Variants in MACROD2 observed in about 807,000 individuals in gnomAD.
MACROD2 encodes the protein mono-ADP ribosylhydrolase 2.
MACROD2 carries 36 observed loss-of-function variants against 70.4 expected under a neutral mutation model. That is an observed-to-expected ratio of 0.51 (90% CI 0.39 to 0.68). The LOEUF (loss-of-function observed/expected upper bound fraction) is 0.68, where lower values mean the gene tolerates loss of function less well. MACROD2 is among the 30% of genes least tolerant of loss of function. MACROD2 has a pLI of 0.00. For missense variants in MACROD2, 496 were observed against 538.4 expected (o/e 0.92, Z 0.78); for synonymous variants, 172 against 178.8 (o/e 0.96, Z 0.30).
intron 3 of MACROD2, among the ~76,000 whole-genome samples, chr20:14,116,107 C>T (rs1226050650): frequency 6.6e-6 from 1 of 152,120 alleles, no homozygotes; most frequent in East Asian, 1.9e-4. Context: ...GATTTTGACC[C>T]TGTTGTAACT....
rs1290715838 is a variant in MACROD2 at position 15,036,515 on chromosome 20, G to C, written c.419-193425G>C. Among the ~76,000 whole-genome samples the C allele has an allele frequency of 7.2e-5, 11 of 152,188 alleles. No individual in the cohort carries two copies. In the East Asian group the frequency reaches 2.1e-3, roughly 29 times the overall value. ...TTAACAAGCCCTTCAGCTGATTTCA[G>C]TACATACTAAAGTTTGAGGACTGCT... On this transcript the variant is annotated intron_variant, in intron 5 of 17. Coordinates refer to ENST00000684519, the MANE Select transcript of MACROD2 (RefSeq NM_001351661.2).
intron 3 of MACROD2, among the ~76,000 whole-genome samples, chr20:14,226,309 T>C (rs1045977734): frequency 6.6e-6 from 1 of 152,100 alleles, no homozygotes. Context: ...CGCAACTGTT[T>C]ATAAGGATTG....
At chr20:14,880,621 T>C (rs974368975) in intron 5 of MACROD2, among the ~76,000 whole-genome samples, 4 of 152,198 alleles carry the variant, frequency 2.6e-5, no homozygotes, top group African/African-American at 9.6e-5. Flanking sequence ...TTCAGAAGAA[T>C]TCATGCATTT....
At chr20:14,308,291 CTTATGTCGATTCTT>C (rs1451094362) in intron 3 of MACROD2, among the ~76,000 whole-genome samples, 2 of 152,198 alleles carry the variant, frequency 1.3e-5, no homozygotes, top group African/African-American at 4.8e-5. Flanking sequence ...GCTGAGTTTC[CTTATGTCGATTCTT>C]TGAAGAATAT....
intron 8 of MACROD2, among the ~76,000 whole-genome samples, chr20:15,640,185 G>A (rs992634698): frequency 6.6e-6 from 1 of 152,054 alleles, no homozygotes; most frequent in African/African-American, 2.4e-5. Flanking sequence ...AGAAAAACAG[G>A]AAAAGAGAAA....
At chr20:14,338,528 G>A (rs1348813632) in intron 3 of MACROD2, among the ~76,000 whole-genome samples, 1 of 152,102 alleles carries the variant, frequency 6.6e-6, no homozygotes, top group African/African-American at 2.4e-5. Context: ...TATGTTTTAT[G>A]TACTTCTGCT....
intron 6 of MACROD2, among the ~76,000 whole-genome samples, chr20:15,425,959 C>T (rs570509979): frequency 1.2e-4 from 18 of 152,312 alleles, no homozygotes; most frequent in African/African-American, 3.8e-4. Flanking sequence ...GGAGCATTTC[C>T]TTCCTTACCC....
chr20:15,272,580 C>T (rs1172109028), intron 6 of MACROD2, among the ~76,000 whole-genome samples: 3 of 152,174 alleles, frequency 2.0e-5, no homozygotes, highest in African/African-American at 7.2e-5. Context: ...GTGTCTGACA[C>T]CAAGATTATT....
chr20:15,760,492 C>T (rs1238117762), intron 8 of MACROD2, among the ~76,000 whole-genome samples: 1 of 152,146 alleles, frequency 6.6e-6, no homozygotes, highest in Non-Finnish European at 1.5e-5. Context: ...CAGAAGGCAA[C>T]TCTGGATCTC....
chr20:16,016,533 A>T (rs1444499970), intron 15 of MACROD2, among the ~76,000 whole-genome samples: 1 of 152,092 alleles, frequency 6.6e-6, no homozygotes, highest in Non-Finnish European at 1.5e-5. Context: ...AACCTTTTCA[A>T]AAATGAGGGG....
chr20:16,048,219 A>G (rs932962021), intron 17 of MACROD2, among the ~76,000 whole-genome samples: 1 of 152,182 alleles, frequency 6.6e-6, no homozygotes, highest in Non-Finnish European at 1.5e-5. Flanking sequence ...GAAATGATCC[A>G]TTTTGAGTGA....
chr20:15,964,404 G>C (rs2066108756), intron 12 of MACROD2, among the ~76,000 whole-genome samples: 1 of 152,102 alleles, frequency 6.6e-6, no homozygotes, highest in South Asian at 2.1e-4. Flanking sequence ...TTGGTGGAAA[G>C]GGTAAGGGGA....
At position 15,933,412 on chromosome 20, in the gene MACROD2, A is replaced by G. The variant is rs914776310; in HGVS notation, c.838+74A>G. On this transcript the variant is annotated intron_variant, in intron 11 of 17. Transcript: ENST00000684519. ...GTGAACAGTAACTTCACTCAATGCT[A>G]TTGTCTGAAAATGCTTATACATTTC... is the stretch of plus-strand genomic sequence containing the variant. 8.0e-6 allele frequency: 11 copies of G among 1,380,582 alleles called. No homozygotes were observed. The African/African-American group carries it at 8.6e-5, about 11-fold the overall frequency. 85.5% of individuals were successfully genotyped at this position (1,380,582 alleles called of 1,614,324 possible).
chr20:15,332,949 CTT>C (rs10534850), intron 6 of MACROD2, among the ~76,000 whole-genome samples: 52 of 151,540 alleles, frequency 3.4e-4, no homozygotes, highest in African/African-American at 1.2e-3. Flanking sequence ...GCTTCTCCCT[CTT>C]GGCACCATTT....
At chr20:15,427,332 A>G (rs1411996465) in intron 6 of MACROD2, among the ~76,000 whole-genome samples, 3 of 152,220 alleles carry the variant, frequency 2.0e-5, no homozygotes, top group Non-Finnish European at 4.4e-5. Context: ...ATTGATTCCA[A>G]GACAGAACTG....
chr20:14,210,327 A>T (rs1448833187), intron 3 of MACROD2, among the ~76,000 whole-genome samples: 1 of 152,238 alleles, frequency 6.6e-6, no homozygotes, highest in Admixed American at 6.5e-5. Context: ...TGTCAGAGGT[A>T]GAATCCACAT....
At chr20:14,499,747 C>G (rs1314627397) in intron 4 of MACROD2, among the ~76,000 whole-genome samples, 1 of 151,912 alleles carries the variant, frequency 6.6e-6, no homozygotes, top group Non-Finnish European at 1.5e-5. Flanking sequence ...TTCTGTCCTC[C>G]CTCCCTCCTG....
chr20:15,947,306 T>A (rs1402220615), intron 12 of MACROD2, among the ~76,000 whole-genome samples: 1 of 152,110 alleles, frequency 6.6e-6, no homozygotes, highest in Non-Finnish European at 1.5e-5. Context: ...CTTCAGACTA[T>A]CACATGGGGA....
At chr20:16,012,397 T>C (rs1181321696) in intron 15 of MACROD2, among the ~76,000 whole-genome samples, 1 of 152,196 alleles carries the variant, frequency 6.6e-6, no homozygotes, top group Non-Finnish European at 1.5e-5. Flanking sequence ...GTGTTCAAAA[T>C]TCCACTTAGG....
Sources: gnomAD v4.1 joint callset for allele counts (sites outside exome capture counted in the v4.1 genomes callset) on GRCh38, gnomAD v4.1.1 for gene constraint, MANE v1.5 for transcripts, NCBI Gene and HGNC (gene_info 2026-07-23, HGNC 2026-07-21) for gene names.